The following CNTN5 variants were observed in gnomAD, a reference collection of about 807,000 sequenced individuals.
CNTN5 encodes the protein contactin-5.
A neutral mutation model predicts 129.1 loss-of-function variants in CNTN5; 77 were observed. That is an observed-to-expected ratio of 0.60 (90% CI 0.50 to 0.72). The LOEUF is 0.72. Ranked by LOEUF, CNTN5 falls within the 30% of genes least tolerant of loss-of-function variation. The probability of loss-of-function intolerance (pLI) is 0.00; values close to 1 mark genes in which losing one functional copy is unlikely to be tolerated. For missense variants in CNTN5, 1,478 were observed against 1,328.8 expected (o/e 1.11, Z -1.75); for synonymous variants, 509 against 465.6 (o/e 1.09, Z -1.20).
chr11:100,263,059 AT>A (rs1950236479), intron 17 of CNTN5, among the ~76,000 whole-genome samples: 1 of 152,156 alleles, frequency 6.6e-6, no homozygotes, highest in Non-Finnish European at 1.5e-5. Context: ...TTTTCTTTTC[AT>A]TTTACAACTT....
intron 3 of CNTN5, among the ~76,000 whole-genome samples, chr11:99,622,416 A>G (rs1264244636): frequency 6.6e-6 from 1 of 152,166 alleles, no homozygotes; most frequent in Non-Finnish European, 1.5e-5. Flanking sequence ...TAAAGAGATA[A>G]TGAAAAACAT....
At chr11:99,108,234 A>C (rs1309176885) in intron 1 of CNTN5, among the ~76,000 whole-genome samples, 4 of 152,178 alleles carry the variant, frequency 2.6e-5, no homozygotes, top group Non-Finnish European at 5.9e-5. Context: ...AACTACTTCT[A>C]AAGACACTTT....
chr11:99,628,114 T>TA (rs1199394643), intron 3 of CNTN5, among the ~76,000 whole-genome samples: 2 of 151,866 alleles, frequency 1.3e-5, no homozygotes, highest in Non-Finnish European at 2.9e-5. Flanking sequence ...AAGGAGCAAT[T>TA]AGAGTATTCA....
intron 3 of CNTN5, among the ~76,000 whole-genome samples, chr11:99,616,135 T>A (rs1227843699): frequency 6.6e-6 from 1 of 152,218 alleles, no homozygotes; most frequent in Non-Finnish European, 1.5e-5. Context: ...TAGATTTGTA[T>A]AAGTCAAAAT....
intron 3 of CNTN5, among the ~76,000 whole-genome samples, chr11:99,700,697 A>G (rs998008707): frequency 5.3e-5 from 8 of 151,424 alleles, no homozygotes; most frequent in Admixed American, 2.0e-4. Flanking sequence ...ATGAGAAAGA[A>G]GAAATGAGCA....
At chr11:100,222,483 AAATT>A (rs1378199356) in intron 15 of CNTN5, among the ~76,000 whole-genome samples, 1 of 152,170 alleles carries the variant, frequency 6.6e-6, no homozygotes, top group East Asian at 1.9e-4. Context: ...ATATATAAAT[AAATT>A]ATTTGGGAAG....
chr11:99,316,418 G>T (rs1865344205), intron 1 of CNTN5, among the ~76,000 whole-genome samples: 1 of 152,058 alleles, frequency 6.6e-6, no homozygotes, highest in South Asian at 2.1e-4. Flanking sequence ...GTAAATTCTA[G>T]AATTTCTTAA....
intron 3 of CNTN5, among the ~76,000 whole-genome samples, chr11:99,694,837 G>A (rs1478408132): frequency 5.3e-5 from 8 of 152,048 alleles, no homozygotes; most frequent in Admixed American, 5.3e-4. Context: ...CACCAGACTA[G>A]ATGATTTACT....
chr11:100,131,883 T>G lies in CNTN5; in HGVS notation c.1580+57589T>G, dbSNP rs1565271481. ...CATGATAAGGGCCATGATAGAAGCATGTACAGAGTATTCTAGGGACCTTAG... is the reference window on the plus strand; with the variant it reads ...CATGATAAGGGCCATGATAGAAGCAGGTACAGAGTATTCTAGGGACCTTAG... On this transcript the variant is annotated intron_variant, in intron 13 of 24. Transcript: ENST00000524871. Among the ~76,000 whole-genome samples the G allele has an allele frequency of 2.0e-5, 3 of 152,090 alleles. No individual in the cohort carries two copies. The South Asian group carries it at 6.2e-4, about 32-fold the overall frequency.
At chr11:100,075,739 A>G (rs1944099496) in intron 13 of CNTN5, among the ~76,000 whole-genome samples, 1 of 152,108 alleles carries the variant, frequency 6.6e-6, no homozygotes, top group South Asian at 2.1e-4. Flanking sequence ...CAATCTTTCT[A>G]GGTTTTATAG....
chr11:99,712,260 T>G (rs1447726437), intron 3 of CNTN5, among the ~76,000 whole-genome samples: 1 of 152,140 alleles, frequency 6.6e-6, no homozygotes, highest in African/African-American at 2.4e-5. Context: ...TATGTTTTTT[T>G]GGCCACAAAA....
intron 2 of CNTN5, among the ~76,000 whole-genome samples, chr11:99,412,300 C>T (rs2135014451): frequency 6.6e-6 from 1 of 152,210 alleles, no homozygotes; most frequent in African/African-American, 2.4e-5. Context: ...TCCTCAAAAT[C>T]CATTCAATAT....
intron 17 of CNTN5, among the ~76,000 whole-genome samples, chr11:100,263,707 C>A (rs1433772725): frequency 1.3e-5 from 2 of 152,108 alleles, no homozygotes; most frequent in East Asian, 1.9e-4. Context: ...ATTCTTATAA[C>A]CTTCAACCCT....
At chr11:99,446,625 T>C (rs1944083806) in intron 2 of CNTN5, among the ~76,000 whole-genome samples, 4 of 152,334 alleles carry the variant, frequency 2.6e-5, no homozygotes, top group Middle Eastern at 3.4e-3. Context: ...GTATGCTAAA[T>C]GAATGTGCAT....
chr11:99,306,675 AG>A (rs1368433925), intron 1 of CNTN5, among the ~76,000 whole-genome samples: 1 of 151,420 alleles, frequency 6.6e-6, no homozygotes, highest in Non-Finnish European at 1.5e-5. Context: ...TGGAGCTTGC[AG>A]TGAGCCAAGA....
intron 17 of CNTN5, among the ~76,000 whole-genome samples, chr11:100,258,698 C>G (rs982104202): frequency 6.6e-6 from 1 of 152,228 alleles, no homozygotes; most frequent in East Asian, 1.9e-4. Context: ...CCAAACTAAG[C>G]TTTATAAGCA....
chr11:99,074,694 A>AT (rs1037989539), intron 1 of CNTN5, among the ~76,000 whole-genome samples: 2 of 152,092 alleles, frequency 1.3e-5, no homozygotes, highest in African/African-American at 4.8e-5. Context: ...TACATCATGC[A>AT]TTTTTTATAA....
At chr11:99,177,623 C>T (rs1026165147) in intron 1 of CNTN5, among the ~76,000 whole-genome samples, 1 of 152,116 alleles carries the variant, frequency 6.6e-6, no homozygotes, top group Admixed American at 6.6e-5. Context: ...TGGGATTAGT[C>T]AGTCAATCAG....
chr11:100,002,169 T>A, intron 9 of CNTN5, 33 bp downstream of exon 9: 1 of 1,328,130 alleles, frequency 7.5e-7, no homozygotes, highest in Non-Finnish European at 1.0e-6. Context: ...TTAAACACAA[T>A]TTTTTATTAA....
Sources: gnomAD v4.1 joint callset for allele counts (sites outside exome capture counted in the v4.1 genomes callset) on GRCh38, gnomAD v4.1.1 for gene constraint, MANE v1.5 for transcripts, NCBI Gene and HGNC (gene_info 2026-07-23, HGNC 2026-07-21) for gene names.